Variants in AGAP1 observed in about 807,000 individuals in gnomAD.
AGAP1 encodes ArfGAP with GTPase domain, ankyrin repeat and PH domain 1, also known as arf-GAP with GTPase, ANK repeat and PH domain-containing protein 1.
Under a neutral mutation model 105.3 loss-of-function variants are expected in AGAP1, and 29 were observed. The observed-to-expected ratio is 0.28, with a 90% CI of 0.21 to 0.38. The LOEUF (loss-of-function observed/expected upper bound fraction) is 0.38, where lower values mean the gene tolerates loss of function less well. AGAP1 is among the 10% of genes least tolerant of loss of function. AGAP1 has a pLI of 1.00. For missense variants in AGAP1, 998 were observed against 1,165.1 expected, an observed-to-expected ratio of 0.86 and a Z score of 2.09; for synonymous variants, 509 against 485.9, an observed-to-expected ratio of 1.05 and a Z score of -0.63.
chr2:236,040,679 C>T lies in AGAP1; in HGVS notation c.1801-72C>T. 1 of 1,438,152 alleles carries T rather than the reference C, an allele frequency of 7.0e-7. No individual in the cohort carries two copies. The highest frequency in any genetic ancestry group is 9.7e-7 in the Non-Finnish European group (1 of 1,028,350). 89.1% of individuals were successfully genotyped at this position (1,438,152 alleles called of 1,614,324 possible). ...TGCTCCCAATCTGTTTGATCTTTCC[C>T]TGATGTTATCAGTGATGTGCGTTTC... On this transcript the variant is annotated intron_variant, in intron 14 of 17. Transcript: ENST00000304032. This position sits in a 1 kb window ranked among gnomAD's most constrained non-coding sequence, Gnocchi z 5.6.
At chr2:236,097,715 C>A (rs1320362787) in intron 16 of AGAP1, among the ~76,000 whole-genome samples, 1 of 152,074 alleles carries the variant, frequency 6.6e-6, no homozygotes, top group Non-Finnish European at 1.5e-5. Context: ...GTGGGCTGTT[C>A]AGTGGTGCTC....
intron 12 of AGAP1, among the ~76,000 whole-genome samples, 156 bp from the exon 13 acceptor site, chr2:235,968,306 C>G (rs1432256133): frequency 6.6e-6 from 1 of 152,132 alleles, no homozygotes; most frequent in South Asian, 2.1e-4. Context: ...ACCAGAGGCT[C>G]TAGGCCTCCA....
At chr2:235,794,302 C>T (rs1957139825) in intron 6 of AGAP1, among the ~76,000 whole-genome samples, 1 of 152,104 alleles carries the variant, frequency 6.6e-6, no homozygotes, top group African/African-American at 2.4e-5. Context: ...TCTTGGGAGT[C>T]TCAGGAGGGT....
Position 235,740,048 on chromosome 2 carries a change from G to A in AGAP1, c.311-915G>A, listed in dbSNP as rs1952487259. ...CTTCCCTCTTTAAAACAAGAGTTTC[G>A]AATCCCCATGAGGGTTCCCTAGCGT... On this transcript the variant is annotated intron_variant, in intron 3 of 17. Transcript: ENST00000304032. This position sits in a 1 kb window ranked among gnomAD's most constrained non-coding sequence, Gnocchi z 5.7. Among the ~76,000 whole-genome samples the A allele has an allele frequency of 6.6e-6, 1 of 152,118 alleles. No individual in the cohort carries two copies. The highest frequency in any genetic ancestry group is 1.5e-5 in the Non-Finnish European group (1 of 68,012).
At chr2:235,521,445 T>C (rs1250881014) in intron 1 of AGAP1, among the ~76,000 whole-genome samples, 1 of 152,258 alleles carries the variant, frequency 6.6e-6, no homozygotes, top group Non-Finnish European at 1.5e-5. Flanking sequence ...TTTTTCACCT[T>C]GTCGTCTTCT....
intron 9 of AGAP1, among the ~76,000 whole-genome samples, chr2:235,808,665 G>T (rs78031107): frequency 0.018 from 2,773 of 152,282 alleles, 89 homozygotes; most frequent in African/African-American, 0.064. Flanking sequence ...CCTTTGCCAG[G>T]CAGAGAAGAA....
chr2:235,535,206 G>C lies in AGAP1; in HGVS notation c.163+40357G>C, dbSNP rs990231039. On this transcript the variant is annotated intron_variant, in intron 1 of 17. Transcript: ENST00000304032. The surrounding 1 kb of genome is among the most constrained non-coding windows in gnomAD (Gnocchi z 5.1). ...CGCACCAGGTTGCCTCCCATCGTTTGCAGGAGCGGAAGACCCGATGGAGCA... is the reference window on the plus strand; with the variant it reads ...CGCACCAGGTTGCCTCCCATCGTTTCCAGGAGCGGAAGACCCGATGGAGCA... Among the ~76,000 whole-genome samples, 1 of 152,128 alleles carries C rather than the reference G, an allele frequency of 6.6e-6. No homozygotes were observed. Among genetic ancestry groups the C allele is most frequent in the African/African-American group, 2.4e-5 (1 of 41,424 alleles).
rs569748054 is a variant in AGAP1 at position 235,721,029 on chromosome 2, A to T, written c.310+3385A>T. Among the ~76,000 whole-genome samples, 111 of 152,224 alleles carry T rather than the reference A, an allele frequency of 7.3e-4. No individual in the cohort carries two copies. Among genetic ancestry groups the T allele is most frequent in the African/African-American group, 2.6e-3 (110 of 41,526 alleles). ...ATTTTATTTATTTATTTATTTTGAG[A>T]TGGAGTCTTACTCTGTCACCCAGAC... On this transcript the variant is annotated intron_variant, in intron 3 of 17. Coordinates refer to ENST00000304032, the MANE Select transcript of AGAP1 (RefSeq NM_001037131.3). This position sits in a 1 kb window ranked among gnomAD's most constrained non-coding sequence, Gnocchi z 4.5.
chr2:236,077,241 A>G (rs1009308892), intron 16 of AGAP1, among the ~76,000 whole-genome samples: 4 of 151,438 alleles, frequency 2.6e-5, no homozygotes, highest in Admixed American at 2.6e-4. Context: ...TTGTGAAAAG[A>G]AACAGTGCTT....
intron 9 of AGAP1, among the ~76,000 whole-genome samples, chr2:235,832,219 G>T (rs1331047426): frequency 6.6e-6 from 1 of 152,090 alleles, no homozygotes; most frequent in Non-Finnish European, 1.5e-5. Flanking sequence ...TTCCTTTTCA[G>T]ATGTGTTTTT....
chr2:235,841,323 C>T (rs1424589788), intron 9 of AGAP1, among the ~76,000 whole-genome samples: 2 of 152,148 alleles, frequency 1.3e-5, no homozygotes, highest in Admixed American at 1.3e-4. Flanking sequence ...AGTAGACGTA[C>T]ATTTGATTTA....
chr2:236,123,166 T>TAGGCTCA lies in AGAP1; in HGVS notation c.2371-750_2371-744dup, dbSNP rs2059940954. On this transcript the variant is annotated intron_variant, in intron 17 of 17. Transcript: ENST00000304032. This position sits in a 1 kb window ranked among gnomAD's most constrained non-coding sequence, Gnocchi z 4.6. ...TCGGCCCACGGCAGCCTCTGCCTCC[T>TAGGCTCA]AGGCTCAAGCGATCCTCCCACCTCA... is the stretch of plus-strand genomic sequence containing the variant. Among the ~76,000 whole-genome samples, 1 of 152,130 alleles carries TAGGCTCA rather than the reference T, an allele frequency of 6.6e-6. No homozygotes were observed. The highest frequency in any genetic ancestry group is 1.5e-5 in the Non-Finnish European group (1 of 68,034).
chr2:236,093,680 T>C (rs990943925), intron 16 of AGAP1, among the ~76,000 whole-genome samples: 2 of 152,158 alleles, frequency 1.3e-5, no homozygotes, highest in Non-Finnish European at 2.9e-5. Context: ...TTGGATAATT[T>C]GGTGAAAACT....
intron 1 of AGAP1, among the ~76,000 whole-genome samples, chr2:235,637,765 G>C (rs779096378): frequency 3.3e-5 from 5 of 152,146 alleles, no homozygotes; most frequent in Admixed American, 3.3e-4. Flanking sequence ...GAATTGGTTC[G>C]TGAGATTATG....
rs2054070483 is a variant in AGAP1 at position 235,959,088 on chromosome 2, G to A, written c.1484-9374G>A. Among the ~76,000 whole-genome samples the A allele has an allele frequency of 6.6e-6, 1 of 152,170 alleles. No individual in the cohort carries two copies. Among genetic ancestry groups the A allele is most frequent in the African/African-American group, 2.4e-5 (1 of 41,460 alleles). On this transcript the variant is annotated intron_variant, in intron 12 of 17. Coordinates refer to ENST00000304032, the MANE Select transcript of AGAP1 (RefSeq NM_001037131.3). The surrounding 1 kb of genome is among the most constrained non-coding windows in gnomAD (Gnocchi z 7.3). ...CCTCCGTCAGAGCCGGTTTAGATGT[G>A]GAGTAATGAGGCGCTCGCTTTTTTA...
In AGAP1 at chr2:235,833,666, G is replaced by A. The variant is rs1559541794; in HGVS notation, c.1050+26335G>A. Among the ~76,000 whole-genome samples, 3 of 151,966 alleles carry A rather than the reference G, an allele frequency of 2.0e-5. No homozygotes were observed. The South Asian group carries it at 6.2e-4, about 31-fold the overall frequency. On this transcript the variant is annotated intron_variant, in intron 9 of 17. Coordinates refer to ENST00000304032, the MANE Select transcript of AGAP1 (RefSeq NM_001037131.3). ...AAAAGGTGCTCAAGAAATATATCCC[G>A]AATGAATGAATGGAACAATAACTGG...
intron 9 of AGAP1, among the ~76,000 whole-genome samples, chr2:235,823,417 C>A (rs1958907920): frequency 6.6e-6 from 1 of 152,060 alleles, no homozygotes; most frequent in Non-Finnish European, 1.5e-5. Flanking sequence ...ACTATGGGTG[C>A]GAGCCACCAC....
chr2:235,677,038 G>A (rs540253653), intron 1 of AGAP1, among the ~76,000 whole-genome samples: 1 of 152,334 alleles, frequency 6.6e-6, no homozygotes, highest in African/African-American at 2.4e-5. Flanking sequence ...CCGCTGTGGT[G>A]TTGATTGTTC....
intron 12 of AGAP1, among the ~76,000 whole-genome samples, chr2:235,941,431 G>A (rs2053253242): frequency 1.3e-5 from 2 of 152,214 alleles, no homozygotes; most frequent in South Asian, 4.1e-4. Context: ...TCCAAACGGA[G>A]TTCCCAGGTC....
Sources: gnomAD v4.1 joint callset for allele counts (sites outside exome capture counted in the v4.1 genomes callset) on GRCh38, gnomAD v4.1.1 for gene constraint, Gnocchi (gnomAD v3.1) non-coding constraint, MANE v1.5 for transcripts, NCBI Gene and HGNC (gene_info 2026-07-23, HGNC 2026-07-21) for gene names.